Variants in PIK3CA observed in about 807,000 individuals in gnomAD.
PIK3CA encodes the protein phosphatidylinositol-4,5-bisphosphate 3-kinase catalytic subunit alpha.
In PIK3CA, 27 loss-of-function variants were observed where a neutral mutation model predicts 138.2. The ratio of observed to expected loss-of-function variants is 0.20; its 90% CI spans 0.14 to 0.27. PIK3CA has a LOEUF of 0.27. Ranked by LOEUF, PIK3CA falls within the 10% of genes least tolerant of loss-of-function variation. The probability of loss-of-function intolerance (pLI) is 1.00; values close to 1 mark genes in which losing one functional copy is unlikely to be tolerated. For missense variants in PIK3CA, 544 were observed against 1,277.4 expected (o/e 0.43, Z 8.75); for synonymous variants, 358 against 413.2 (o/e 0.87, Z 1.62).
intron 6 of PIK3CA, among the ~76,000 whole-genome samples, chr3:179,205,020 C>CAAAAA (rs574908621): frequency 7.5e-5 from 4 of 53,378 alleles, no homozygotes; most frequent in African/African-American, 2.7e-4. Flanking sequence ...GACTCCGTCT[C>CAAAAA]AAAAAAAAAA....
intron 14 of PIK3CA, among the ~76,000 whole-genome samples, chr3:179,223,813 C>G (rs1239450401): frequency 2.0e-5 from 3 of 152,148 alleles, no homozygotes; most frequent in Non-Finnish European, 4.4e-5. Context: ...TTGACTAGCC[C>G]TGCTCTACAG....
chr3:179,198,770 A>T lies in PIK3CA; in HGVS notation c.-56A>T. On this transcript the variant is annotated 5_prime_UTR_variant, in exon 2 of 21. Coordinates refer to ENST00000263967, the MANE Select transcript of PIK3CA (RefSeq NM_006218.4). Reference sequence around the variant, plus strand: ...TTTAGGTTTCTGCTTTGGGACAACCATACATCTAATTCCTTAAAGTAGTTT... The same window carrying T: ...TTTAGGTTTCTGCTTTGGGACAACCTTACATCTAATTCCTTAAAGTAGTTT... The T allele has an allele frequency of 1.0e-6, 1 of 990,482 alleles. No homozygotes were observed. Among genetic ancestry groups the T allele is most frequent in the Non-Finnish European group, 1.5e-6 (1 of 677,190 alleles). 61.4% of individuals were successfully genotyped at this position (990,482 alleles called of 1,614,324 possible).
chr3:179,226,885 C>A (rs1219852103), intron 17 of PIK3CA, among the ~76,000 whole-genome samples: 1 of 151,998 alleles, frequency 6.6e-6, no homozygotes, highest in Admixed American at 6.6e-5. Context: ...GTAGCTTAAC[C>A]CCTGCTGCTT....
intron 1 of PIK3CA, among the ~76,000 whole-genome samples, chr3:179,182,047 CT>C (rs1460841820): frequency 6.6e-6 from 1 of 152,178 alleles, no homozygotes; most frequent in African/African-American, 2.4e-5. Context: ...CAGTCGTTCC[CT>C]TTCCTGAATT....
At chr3:179,149,107 GT>G (rs1302133616) in intron 1 of PIK3CA, among the ~76,000 whole-genome samples, 1 of 152,178 alleles carries the variant, frequency 6.6e-6, no homozygotes, top group African/African-American at 2.4e-5. Context: ...CTCTTACTGG[GT>G]TTAAATCGCC....
chr3:179,160,163 T>C (rs1370653101), intron 1 of PIK3CA, among the ~76,000 whole-genome samples: 3 of 152,196 alleles, frequency 2.0e-5, no homozygotes, highest in South Asian at 2.1e-4. Context: ...TACAATGTTA[T>C]GACAGCTATG....
At chr3:179,178,054 C>G (rs1404200060) in intron 1 of PIK3CA, among the ~76,000 whole-genome samples, 2 of 109,882 alleles carry the variant, frequency 1.8e-5, no homozygotes, top group African/African-American at 7.1e-5. Context: ...AGCCTGGTAA[C>G]ATAGTGAAAC....
At chr3:179,203,162 G>C (rs1044950575) in intron 4 of PIK3CA, among the ~76,000 whole-genome samples, 1 of 151,556 alleles carries the variant, frequency 6.6e-6, no homozygotes, top group African/African-American at 2.4e-5. Flanking sequence ...GGATGGTCTC[G>C]ATCTCCTGAC....
intron 3 of PIK3CA, among the ~76,000 whole-genome samples, chr3:179,200,855 C>T (rs533132615): frequency 5.3e-5 from 8 of 152,250 alleles, no homozygotes; most frequent in Admixed American, 5.2e-4. Flanking sequence ...CCTTTCCTCC[C>T]TCACATTTTC....
intron 1 of PIK3CA, among the ~76,000 whole-genome samples, chr3:179,165,644 A>G (rs752961140): frequency 1.4e-4 from 21 of 152,210 alleles, no homozygotes; most frequent in Admixed American, 3.3e-4. Flanking sequence ...ACCTTGGGAT[A>G]ACATGCAGTC....
chr3:179,234,373 C>G lies in PIK3CA; in HGVS notation c.*9C>G, dbSNP rs773745916. Reference sequence around the variant, plus strand: ...AGCATGCATTGAACTGAAAAGATAACTGAGAAAATGAAAGCTCACTCTGGA... The same window carrying G: ...AGCATGCATTGAACTGAAAAGATAAGTGAGAAAATGAAAGCTCACTCTGGA... On this transcript the variant is annotated 3_prime_UTR_variant, in exon 21 of 21. Transcript: ENST00000263967. This position sits in a 1 kb window ranked among gnomAD's most constrained non-coding sequence, Gnocchi z 5.1. 6.3e-7 allele frequency: 1 copy of G among 1,593,710 alleles called. No homozygotes were observed. Among genetic ancestry groups the G allele is most frequent in the Non-Finnish European group, 8.6e-7 (1 of 1,167,404 alleles).
intron 1 of PIK3CA, among the ~76,000 whole-genome samples, chr3:179,168,808 T>C (rs528961386): frequency 3.3e-5 from 5 of 152,288 alleles, no homozygotes; most frequent in African/African-American, 7.2e-5. Context: ...ACCCACTCTT[T>C]TTTCCCAAAT....
At position 179,230,248 on chromosome 3, in the gene PIK3CA, CT is replaced by C; in HGVS notation, c.2813del (p.Leu938TrpfsTer19). 1 of 1,607,966 alleles carries C rather than the reference CT, an allele frequency of 6.2e-7. No homozygotes were observed. Among genetic ancestry groups the C allele is most frequent in the Non-Finnish European group, 8.5e-7 (1 of 1,176,972 alleles). ...GQLFHIDFGHFLDHKKKKFGY... is the reference protein window; with the variant it reads ...GQLFHIDFGHXLDHKKKKFGY... The stretch of plus-strand genomic sequence containing the variant: ...AGCTGTTTCATATAGATTTTGGACA[CT>C]TTTTGGATCACAAGAAGAAAAAATT... On this transcript the variant is annotated frameshift_variant, in exon 20 of 21. Coordinates refer to ENST00000263967, the MANE Select transcript of PIK3CA (RefSeq NM_006218.4). LOFTEE classifies it high-confidence loss of function. This position sits in a 1 kb window ranked among gnomAD's most constrained non-coding sequence, Gnocchi z 5.4.
At chr3:179,156,421 C>T (rs1017824042) in intron 1 of PIK3CA, among the ~76,000 whole-genome samples, 1 of 152,142 alleles carries the variant, frequency 6.6e-6, no homozygotes, top group African/African-American at 2.4e-5. Context: ...GGCCATCATC[C>T]TTACTTGTTA....
intron 1 of PIK3CA, chr3:179,168,940 G>A (rs1025288612): frequency 1.3e-5 from 2 of 151,256 alleles, no homozygotes; most frequent in African/African-American, 2.4e-5. Flanking sequence ...GGCTCTTTAT[G>A]AGCCGTATCT....
At chr3:179,175,481 G>C (rs116337409) in intron 1 of PIK3CA, among the ~76,000 whole-genome samples, 9 of 152,060 alleles carry the variant, frequency 5.9e-5, no homozygotes, top group African/African-American at 2.2e-4. Flanking sequence ...TGTGTACTCC[G>C]TAAGTCCCTG....
intron 1 of PIK3CA, among the ~76,000 whole-genome samples, chr3:179,195,279 A>G (rs1724239082): frequency 6.6e-6 from 1 of 151,896 alleles, no homozygotes; most frequent in African/African-American, 2.4e-5. Flanking sequence ...AAACAACAAC[A>G]AAAACCGTTT....
At chr3:179,194,892 A>G (rs1432301879) in intron 1 of PIK3CA, among the ~76,000 whole-genome samples, 1 of 151,770 alleles carries the variant, frequency 6.6e-6, no homozygotes, top group Non-Finnish European at 1.5e-5. Context: ...CAGTTATCAC[A>G]TTGTTAAAGT....
chr3:179,179,158 G>C (rs1158222737), intron 1 of PIK3CA, among the ~76,000 whole-genome samples: 3 of 152,186 alleles, frequency 2.0e-5, no homozygotes, highest in Non-Finnish European at 4.4e-5. Flanking sequence ...ACTCTTTTCT[G>C]CAAGTTTACA....
Sources: gnomAD v4.1 joint callset for allele counts (sites outside exome capture counted in the v4.1 genomes callset) on GRCh38, gnomAD v4.1.1 for gene constraint, Gnocchi (gnomAD v3.1) non-coding constraint, MANE v1.5 for transcripts, NCBI Gene and HGNC (gene_info 2026-07-23, HGNC 2026-07-21) for gene names.